OTOGL: variants seen among roughly 807,000 people sequenced by gnomAD.
OTOGL encodes otogelin like.
OTOGL carries 285 observed loss-of-function variants against 318.5 expected under a neutral mutation model. That is an observed-to-expected ratio of 0.89 (90% CI 0.81 to 0.99). OTOGL has a LOEUF of 0.99. Among genes scored for constraint, OTOGL ranks in the 50% least tolerant of loss-of-function variants. The pLI is 0.00. For missense variants in OTOGL, 2,899 were observed against 2,845.6 expected, an observed-to-expected ratio of 1.02 and a Z score of -0.43; for synonymous variants, 987 against 936.5, an observed-to-expected ratio of 1.05 and a Z score of -0.99.
At chr12:80,242,060 G>A (rs547019372) in intron 11 of OTOGL, among the ~76,000 whole-genome samples, 18 of 152,260 alleles carry the variant, frequency 1.2e-4, no homozygotes, top group African/African-American at 3.4e-4. Context: ...AAGAGAAGCC[G>A]AAACATGTTG....
intron 1 of OTOGL, among the ~76,000 whole-genome samples, chr12:80,193,503 G>A (rs540514852): frequency 1.3e-5 from 2 of 152,132 alleles, no homozygotes; most frequent in Admixed American, 1.3e-4. Flanking sequence ...GTGTCAGAGT[G>A]AGACTTCATC....
intron 1 of OTOGL, among the ~76,000 whole-genome samples, chr12:80,102,624 C>G (rs565546655): frequency 6.6e-6 from 1 of 152,324 alleles, no homozygotes; most frequent in African/African-American, 2.4e-5. Flanking sequence ...ATGGTCTCTT[C>G]CCTTCAATTT....
At chr12:80,114,095 G>A (rs997446029) in intron 1 of OTOGL, among the ~76,000 whole-genome samples, 81 of 151,878 alleles carry the variant, frequency 5.3e-4, no homozygotes, top group African/African-American at 1.9e-3. Context: ...TTTTAATTGG[G>A]GAATTTACCC....
At chr12:80,270,499 G>T (rs1883330748) in intron 23 of OTOGL, among the ~76,000 whole-genome samples, 1 of 151,962 alleles carries the variant, frequency 6.6e-6, no homozygotes, top group South Asian at 2.1e-4. Flanking sequence ...ACAGAAATTG[G>T]GAAAATCTAT....
chr12:80,255,323 A>C, intron 16 of OTOGL, 138 bp downstream of exon 16: 1 of 874,300 alleles, frequency 1.1e-6, no homozygotes, highest in Non-Finnish European at 1.6e-6. Context: ...ATTAAGATAC[A>C]TCATTATTCT....
intron 22 of OTOGL, among the ~76,000 whole-genome samples, chr12:80,269,440 A>G (rs2137578824): frequency 6.6e-6 from 1 of 152,288 alleles, no homozygotes; most frequent in African/African-American, 2.4e-5. Flanking sequence ...ATTCAAAGCA[A>G]CCATATCACT....
chr12:80,204,015 A>G (rs1876640454), intron 1 of OTOGL, among the ~76,000 whole-genome samples: 1 of 152,168 alleles, frequency 6.6e-6, no homozygotes, highest in Non-Finnish European at 1.5e-5. Context: ...TTCCAAGGGA[A>G]CTAGTATATT....
chr12:80,264,339 C>T (rs900552009), intron 19 of OTOGL, among the ~76,000 whole-genome samples: 1 of 152,182 alleles, frequency 6.6e-6, no homozygotes, highest in Admixed American at 6.5e-5. Context: ...ATGTCCTCCC[C>T]TCCCCAGGTG....
chr12:80,170,680 C>T (rs986337615), intron 1 of OTOGL, among the ~76,000 whole-genome samples: 5 of 152,040 alleles, frequency 3.3e-5, no homozygotes, highest in African/African-American at 4.8e-5. Context: ...GTGATCTTCC[C>T]GCCTCGGCCT....
intron 31 of OTOGL, 31 bp downstream of exon 31, chr12:80,313,663 A>G (rs1886796198): frequency 2.6e-6 from 4 of 1,547,900 alleles, no homozygotes; most frequent in Non-Finnish European, 3.5e-6. Context: ...ATCATTATGT[A>G]GAGAACTGAT....
At chr12:80,277,098 T>A (rs1240298671) in intron 24 of OTOGL, among the ~76,000 whole-genome samples, 5 of 149,098 alleles carry the variant, frequency 3.4e-5, no homozygotes, top group Non-Finnish European at 7.5e-5. Flanking sequence ...AGCTTTTAAT[T>A]TTTATTTATT....
intron 32 of OTOGL, among the ~76,000 whole-genome samples, chr12:80,317,469 GA>G (rs1393866133): frequency 3.9e-5 from 6 of 152,056 alleles, no homozygotes; most frequent in Admixed American, 3.9e-4. Flanking sequence ...TGCAGCAGGG[GA>G]GAGATTTTGT....
chr12:80,149,506 T>C (rs1211000672), intron 1 of OTOGL, among the ~76,000 whole-genome samples: 3 of 152,180 alleles, frequency 2.0e-5, no homozygotes, highest in Non-Finnish European at 4.4e-5. Context: ...CTGCAGAGGT[T>C]ACTGCTGTCT....
At chr12:80,169,731 T>A (rs578030603) in intron 1 of OTOGL, among the ~76,000 whole-genome samples, 1 of 152,324 alleles carries the variant, frequency 6.6e-6, no homozygotes, top group South Asian at 2.1e-4. Context: ...TCTGTCCTTA[T>A]AGCTTTGCCT....
At chr12:80,301,324 G>T (rs751391861) in intron 27 of OTOGL, among the ~76,000 whole-genome samples, 1 of 152,162 alleles carries the variant, frequency 6.6e-6, no homozygotes, top group Non-Finnish European at 1.5e-5. Flanking sequence ...TTACAATAAA[G>T]TTCCATCTCT....
rs192845074 is a variant in OTOGL at position 80,181,910 on chromosome 12, T to A, written c.-19-27503T>A. Among the ~76,000 whole-genome samples the A allele has an allele frequency of 6.2e-3, 937 of 152,284 alleles. 8 individuals are homozygous for A. Among genetic ancestry groups the A allele is most frequent in the Non-Finnish European group, 7.7e-3 (527 of 68,030 alleles). ...TGGGCATGGTGGCTTACATCTGTAA[T>A]CCTAGCACTTTGGGAGGCTGAGGCA... On this transcript the variant is annotated intron_variant, in intron 1 of 58. Transcript: ENST00000547103.
intron 1 of OTOGL, among the ~76,000 whole-genome samples, chr12:80,171,740 A>G (rs1249395813): frequency 6.6e-6 from 1 of 152,134 alleles, no homozygotes; most frequent in African/African-American, 2.4e-5. Context: ...CTACAGATCA[A>G]TTTGGGGAGA....
At chr12:80,146,747 G>T (rs1303981747) in intron 1 of OTOGL, among the ~76,000 whole-genome samples, 1 of 151,494 alleles carries the variant, frequency 6.6e-6, no homozygotes, top group African/African-American at 2.4e-5. Flanking sequence ...CCTGTTATTG[G>T]TCTATTCAGA....
Position 80,267,251 on chromosome 12 carries a change from A to G in OTOGL, c.2391-2A>G, listed in dbSNP as rs374272301. 16 of 1,527,746 alleles carry G rather than the reference A, an allele frequency of 1.0e-5. No individual in the cohort carries two copies. The highest frequency in any genetic ancestry group is 1.8e-5 in the Admixed American group (1 of 54,476). The allele number at this position is 1,527,746 out of a possible 1,614,324, so 94.6% of individuals were successfully genotyped here. On this transcript the variant is annotated splice_acceptor_variant, in intron 21 of 58. Transcript: ENST00000547103. LOFTEE classifies it high-confidence loss of function. ...TATTTACTTTACTTTTTCTTCGTAT[A>G]GATTCCACTGCCGTTGTCATTATAG...
Sources: allele counts gnomAD v4.1 joint callset (sites outside exome capture counted in the v4.1 genomes callset), GRCh38; gene constraint gnomAD v4.1.1; transcripts MANE v1.5; gene names NCBI Gene and HGNC (gene_info 2026-07-23, HGNC 2026-07-21).